MGAT4A: variants seen among roughly 807,000 people sequenced by gnomAD.
MGAT4A encodes the protein alpha-1,3-mannosyl-glycoprotein 4-beta-N-acetylglucosaminyltransferase A, also known as N-acetylglucosaminyltransferase IVa.
In MGAT4A, 33 loss-of-function variants were observed where a neutral mutation model predicts 74.1. The observed-to-expected ratio is 0.45, with a 90% confidence interval of 0.34 to 0.60. The LOEUF (loss-of-function observed/expected upper bound fraction) is 0.60. MGAT4A is among the 20% of genes least tolerant of loss of function. The pLI, the probability that MGAT4A is intolerant of heterozygous loss-of-function variation, is 0.02. For missense variants in MGAT4A, 479 were observed against 628.3 expected, an observed-to-expected ratio of 0.76 and a Z score of 2.54; for synonymous variants, 198 against 210.4, an observed-to-expected ratio of 0.94 and a Z score of 0.51.
intron 2 of MGAT4A, among the ~76,000 whole-genome samples, chr2:98,721,410 C>CT (rs5832856): frequency 0.33 from 49,682 of 151,796 alleles, 10,487 homozygotes; most frequent in African/African-American, 0.59. Context: ...TTTCTGTTAA[C>CT]GATTTAAAAA....
intron 4 of MGAT4A, 97 bp from the exon 5 acceptor site, chr2:98,663,276 G>C: frequency 6.5e-7 from 1 of 1,531,328 alleles, no homozygotes; most frequent in South Asian, 1.2e-5. Flanking sequence ...CAAATTGATA[G>C]GAATAACTGA....
chr2:98,683,089 AAAAAAAAAC>A (rs1327553198), intron 2 of MGAT4A, among the ~76,000 whole-genome samples: 1 of 151,840 alleles, frequency 6.6e-6, no homozygotes, highest in Non-Finnish European at 1.5e-5. Flanking sequence ...CTCCGTCTAA[AAAAAAAAAC>A]AAAAAAAATA....
chr2:98,672,632 G>A (rs1575261957), intron 4 of MGAT4A, among the ~76,000 whole-genome samples: 1 of 152,130 alleles, frequency 6.6e-6, no homozygotes, highest in Non-Finnish European at 1.5e-5. Context: ...CACTCCTTCT[G>A]AAATGACTAC....
In MGAT4A at chr2:98,625,585, A is replaced by G; in HGVS notation, c.1589T>C (p.Ile530Thr). 6.2e-7 allele frequency: 1 copy of G among 1,608,736 alleles called. No individual in the cohort carries two copies. The highest frequency in any genetic ancestry group is 1.7e-5 in the Admixed American group (1 of 59,010). Reference sequence around the variant, plus strand: ...AGATGATCAGTTGGTGGCTTTTTTAATATGAATCTGAAATACAAAATCATA... The same window carrying G: ...AGATGATCAGTTGGTGGCTTTTTTAGTATGAATCTGAAATACAAAATCATA... The part of the protein sequence containing the change: ...AVWAILNEIH[I>T]KKATN Residue 530 changes from isoleucine (I) to threonine (T), a missense_variant, in exon 16 of 16, where the codon ATT (isoleucine) becomes ACT (threonine). Physicochemically the swap from Ile to Thr is moderately conservative, Grantham distance 89 (BLOSUM62 -1). This residue lies in a region of MGAT4A where 236 missense variants were observed against 308.2 expected (regional missense o/e 0.77). Coordinates refer to ENST00000393487, the MANE Select transcript of MGAT4A (RefSeq NM_012214.3).
At chr2:98,692,507 T>C (rs562561949) in intron 2 of MGAT4A, among the ~76,000 whole-genome samples, 2 of 152,332 alleles carry the variant, frequency 1.3e-5, no homozygotes, top group East Asian at 1.9e-4. Flanking sequence ...TGTACAGTAA[T>C]GTCTTAGACC....
intron 2 of MGAT4A, among the ~76,000 whole-genome samples, chr2:98,703,397 C>A (rs982378638): frequency 6.6e-6 from 1 of 152,004 alleles, no homozygotes; most frequent in Admixed American, 6.6e-5. Context: ...ACTGAACAGA[C>A]TGAACAGAGA....
intron 8 of MGAT4A, among the ~76,000 whole-genome samples, chr2:98,649,467 T>C (rs1167537256): frequency 6.6e-6 from 1 of 152,160 alleles, no homozygotes; most frequent in Non-Finnish European, 1.5e-5. Flanking sequence ...GTATACCCAG[T>C]GTTTTTGACT....
intron 13 of MGAT4A, among the ~76,000 whole-genome samples, chr2:98,636,307 A>G (rs780449516): frequency 7.2e-5 from 11 of 152,080 alleles, no homozygotes; most frequent in Non-Finnish European, 1.3e-4. Flanking sequence ...ACTTTCCAAG[A>G]TAAAACAAAA....
At chr2:98,719,344 T>C (rs536830555) in intron 2 of MGAT4A, among the ~76,000 whole-genome samples, 1 of 152,164 alleles carries the variant, frequency 6.6e-6, no homozygotes, top group Admixed American at 6.5e-5. Context: ...AGCTGGTAAT[T>C]AGTGTAGGAG....
intron 4 of MGAT4A, among the ~76,000 whole-genome samples, chr2:98,667,053 A>ATG (rs1701841719): frequency 2.0e-5 from 3 of 152,168 alleles, no homozygotes; most frequent in Admixed American, 6.5e-5. Flanking sequence ...TAAGTCTTAC[A>ATG]AGATCTGATG....
intron 4 of MGAT4A, among the ~76,000 whole-genome samples, chr2:98,673,127 C>G (rs146695348): frequency 1.1e-4 from 17 of 152,140 alleles, no homozygotes; most frequent in African/African-American, 2.9e-4. Flanking sequence ...CGACAGTTTT[C>G]TGTTCTGGGC....
chr2:98,632,803 G>A (rs1413133013), intron 14 of MGAT4A, among the ~76,000 whole-genome samples: 1 of 152,182 alleles, frequency 6.6e-6, no homozygotes, highest in African/African-American at 2.4e-5. Flanking sequence ...GGCCCAGGCT[G>A]GAATGCAATG....
At chr2:98,686,880 T>G (rs923871917) in intron 2 of MGAT4A, among the ~76,000 whole-genome samples, 2 of 152,210 alleles carry the variant, frequency 1.3e-5, no homozygotes, top group African/African-American at 4.8e-5. Flanking sequence ...AAGTTCATCG[T>G]GAAGTCCCAA....
At chr2:98,714,088 C>T (rs927758446) in intron 2 of MGAT4A, among the ~76,000 whole-genome samples, 5 of 152,038 alleles carry the variant, frequency 3.3e-5, no homozygotes, top group African/African-American at 1.2e-4. Context: ...ATAGTAAGAG[C>T]CATATTTTTT....
chr2:98,664,200 C>CAAAAAAAAAAAAA (rs57981145), intron 4 of MGAT4A, among the ~76,000 whole-genome samples: 3 of 51,486 alleles, frequency 5.8e-5, no homozygotes, highest in Non-Finnish European at 7.2e-5. Flanking sequence ...GATTCCATCT[C>CAAAAAAAAAAAAA]AAAAAAAAAA....
Position 98,651,595 on chromosome 2 carries a change from G to C in MGAT4A, c.774+3850C>G, listed in dbSNP as rs186534986. Among the ~76,000 whole-genome samples the C allele has an allele frequency of 3.6e-3, 551 of 152,066 alleles. 5 individuals are homozygous for C. In the Middle Eastern group the frequency reaches 0.044, roughly 12 times the overall value. ...GGAAATAGAAAGGGAATCAAAATAC[G>C]TCACTATTTTAAAAAATCAACGAAA... On this transcript the variant is annotated intron_variant, in intron 8 of 15. Coordinates refer to ENST00000393487, the MANE Select transcript of MGAT4A (RefSeq NM_012214.3).
rs2104208048 is a variant in MGAT4A at position 98,625,076 on chromosome 2, C to T, written c.*490G>A. ...TCAAAAAAAGTATCGATTCAAAAAT[C>T]TACTGCACAAAAATATGTACTTCTT... On this transcript the variant is annotated 3_prime_UTR_variant, in exon 16 of 16. Coordinates refer to ENST00000393487, the MANE Select transcript of MGAT4A (RefSeq NM_012214.3). 1.0e-6 allele frequency: 1 copy of T among 972,814 alleles called. No homozygotes were observed. The highest frequency in any genetic ancestry group is 4.8e-5 in the South Asian group (1 of 21,050). 60.3% of individuals were successfully genotyped at this position (972,814 alleles called of 1,614,324 possible).
chr2:98,664,218 A>G (rs1207068012), intron 4 of MGAT4A, among the ~76,000 whole-genome samples: 1 of 149,878 alleles, frequency 6.7e-6, no homozygotes, highest in African/African-American at 2.5e-5. Flanking sequence ...AAAAAAAAAA[A>G]AAAAAAAAAA....
intron 4 of MGAT4A, among the ~76,000 whole-genome samples, chr2:98,674,082 T>C (rs778236916): frequency 6.6e-6 from 1 of 152,170 alleles, no homozygotes; most frequent in Non-Finnish European, 1.5e-5. Context: ...ATTAATGAAA[T>C]AGAAAGACAG....
Sources: allele counts gnomAD v4.1 joint callset (sites outside exome capture counted in the v4.1 genomes callset), GRCh38; gene constraint gnomAD v4.1.1; regional missense constraint gnomAD v4.1.1; transcripts MANE v1.5; gene names NCBI Gene and HGNC (gene_info 2026-07-23, HGNC 2026-07-21).